Variants in MPP4 observed in about 807,000 individuals in gnomAD.
MPP4 encodes MAGUK p55 subfamily member 4.
Under a neutral mutation model 98.3 loss-of-function variants are expected in MPP4, and 91 were observed. The ratio of observed to expected loss-of-function variants is 0.93; its 90% CI spans 0.78 to 1.10. The LOEUF (loss-of-function observed/expected upper bound fraction) is 1.10. Ranked by LOEUF, MPP4 falls within the 50% of genes least tolerant of loss-of-function variation. MPP4 has a pLI of 0.00. For missense variants in MPP4, 744 were observed against 792.9 expected (o/e 0.94, Z 0.74); for synonymous variants, 261 against 271.8 (o/e 0.96, Z 0.39).
rs28524596 is a variant in MPP4 at position 201,685,259 on chromosome 2, T to A, written c.493-114A>T. On this transcript the variant is annotated intron_variant, in intron 6 of 21. Transcript: ENST00000409474. ...AATCAATGCAGCTCTGGTCTTTCAATCAATGCAGCTCTGGTCTTTCAATCA... is the reference window on the plus strand; with the variant it reads ...AATCAATGCAGCTCTGGTCTTTCAAACAATGCAGCTCTGGTCTTTCAATCA... 476 of 97,068 alleles carry A rather than the reference T, an allele frequency of 4.9e-3. 14 individuals are homozygous for A. Among genetic ancestry groups the A allele is most frequent in the Middle Eastern group, 9.8e-3 (5 of 508 alleles). 6.0% of individuals were successfully genotyped at this position (97,068 alleles called of 1,614,324 possible).
intron 16 of MPP4, among the ~76,000 whole-genome samples, chr2:201,657,959 T>A (rs1170174533): frequency 1.3e-5 from 2 of 151,220 alleles, no homozygotes; most frequent in Non-Finnish European, 2.9e-5. Flanking sequence ...CCCTTGTTTT[T>A]TTTTTTTTTG....
intron 10 of MPP4, among the ~76,000 whole-genome samples, chr2:201,679,287 G>A (rs146045259): frequency 9.2e-5 from 14 of 152,096 alleles, no homozygotes; most frequent in Middle Eastern, 3.4e-3. Flanking sequence ...ATCTGGACCC[G>A]CACCCCAGAA....
chr2:201,692,635 A>G (rs1000996280), intron 3 of MPP4, among the ~76,000 whole-genome samples: 1 of 152,008 alleles, frequency 6.6e-6, no homozygotes, highest in Non-Finnish European at 1.5e-5. Context: ...GCCCTTATAC[A>G]AGAGACCCCA....
chr2:201,647,612 TCCTTGGCCCAGCCCAACC>T (rs1377504040), intron 21 of MPP4, 61 bp downstream of exon 21: 1 of 1,503,944 alleles, frequency 6.6e-7, no homozygotes, highest in Admixed American at 1.7e-5. Context: ...AGATCAGAGA[TCCTTGGCCCAGCCCAACC>T]CAGATCTCTC....
intron 10 of MPP4, among the ~76,000 whole-genome samples, chr2:201,677,256 G>A (rs533004685): frequency 1.3e-5 from 2 of 152,148 alleles, no homozygotes; most frequent in Non-Finnish European, 2.9e-5. Flanking sequence ...ATGCTATCCT[G>A]TACATCTTCA....
At chr2:201,658,056 T>C (rs1687911324) in intron 16 of MPP4, among the ~76,000 whole-genome samples, 1 of 151,956 alleles carries the variant, frequency 6.6e-6, no homozygotes, top group Non-Finnish European at 1.5e-5. Flanking sequence ...CTGCTAGTTT[T>C]CCCCTGCCTC....
chr2:201,682,764 TTGA>T, intron 8 of MPP4, 64 bp downstream of exon 8: 2 of 1,414,552 alleles, frequency 1.4e-6, no homozygotes, highest in Non-Finnish European at 2.0e-6. Context: ...ACACGTGGGC[TTGA>T]TGGTCCCAGT....
At chr2:201,698,351 T>C (rs954424801) in intron 1 of MPP4, among the ~76,000 whole-genome samples, 1 of 152,202 alleles carries the variant, frequency 6.6e-6, no homozygotes, top group Non-Finnish European at 1.5e-5. Context: ...CAAATGCCCA[T>C]TGTACTCAAT....
At chr2:201,675,899 AG>A (rs1688494704) in intron 10 of MPP4, among the ~76,000 whole-genome samples, 2 of 152,208 alleles carry the variant, frequency 1.3e-5, no homozygotes, top group African/African-American at 4.8e-5. Context: ...TTGGAGCAAG[AG>A]AAGATTTCGA....
At chr2:201,665,031 T>C (rs1391795720) in intron 13 of MPP4, 1 of 164,710 alleles carries the variant, frequency 6.1e-6, no homozygotes, top group Admixed American at 6.7e-5. Flanking sequence ...ATGGGGGTGA[T>C]GAAGGGGGAA....
intron 10 of MPP4, among the ~76,000 whole-genome samples, chr2:201,676,511 C>T (rs1472806545): frequency 1.3e-5 from 2 of 152,148 alleles, no homozygotes; most frequent in Admixed American, 1.3e-4. Context: ...TACATGAGAC[C>T]TTACTGTAAA....
intron 10 of MPP4, chr2:201,680,610 C>A: frequency 2.1e-6 from 1 of 486,826 alleles, no homozygotes; most frequent in Non-Finnish European, 3.7e-6. Context: ...ATTTAGTTTC[C>A]CAAGACTTTT....
Position 201,647,755 on chromosome 2 carries a change from C to G in MPP4, c.1655G>C (p.Cys552Ser), listed in dbSNP as rs775629718. 1 of 1,613,834 alleles carries G rather than the reference C, an allele frequency of 6.2e-7. No homozygotes were observed. Among genetic ancestry groups the G allele is most frequent in the Admixed American group, 1.7e-5 (1 of 60,014 alleles). The change falls in exon 21 of 22, where the codon TGT becomes TCT. Residue 552 changes from cysteine (C) to serine (S), a missense_variant. Cys to Ser is a moderately radical substitution (Grantham distance 112). Transcript: ENST00000409474. ...GGCATTTTTCCGAGATTGTTTCATA[C>G]ACCTCATATTCGATGGCTTTATAAA... The part of the protein sequence containing the change: ...VIFIKPSNMR[C>S]MKQSRKNAKV...
At chr2:201,669,558 ATGACTATCACACTACTAG>A (rs1688280946) in intron 12 of MPP4, among the ~76,000 whole-genome samples, 157 bp downstream of exon 12, 1 of 352 alleles carries the variant, frequency 2.8e-3, no homozygotes, top group African/African-American at 3.8e-3. Flanking sequence ...TTATAAATCA[ATGACTATCACACTACTAG>A]GTATATAGGA....
chr2:201,681,613 G>C, intron 8 of MPP4, 46 bp from the exon 9 acceptor site: 1 of 1,448,406 alleles, frequency 6.9e-7, no homozygotes, highest in Non-Finnish European at 9.7e-7. Flanking sequence ...GGAGCTAGCA[G>C]GGTTACTGGG....
chr2:201,687,258 G>A, intron 5 of MPP4, 33 bp downstream of exon 5: 1 of 1,525,306 alleles, frequency 6.6e-7, no homozygotes, highest in Non-Finnish European at 8.9e-7. Flanking sequence ...TGTGCCAGAT[G>A]GGGACATCTT....
At chr2:201,679,339 T>G (rs1374343368) in intron 10 of MPP4, among the ~76,000 whole-genome samples, 1 of 152,192 alleles carries the variant, frequency 6.6e-6, no homozygotes, top group Admixed American at 6.5e-5. Context: ...GGGCCTTTAA[T>G]GCTGATCACA....
intron 17 of MPP4, among the ~76,000 whole-genome samples, 158 bp downstream of exon 17, chr2:201,656,040 A>G (rs757359920): frequency 5.3e-5 from 8 of 152,254 alleles, no homozygotes; most frequent in Non-Finnish European, 1.2e-4. Context: ...AATGTTACTT[A>G]TAAACACACA....
intron 21 of MPP4, chr2:201,646,589 T>C (rs149825844): frequency 2.0e-5 from 3 of 152,264 alleles, no homozygotes; most frequent in Non-Finnish European, 4.4e-5. Context: ...TAAATGCCCA[T>C]AAGACTCAGC....
Sources: allele counts gnomAD v4.1 joint callset (sites outside exome capture counted in the v4.1 genomes callset), GRCh38; gene constraint gnomAD v4.1.1; transcripts MANE v1.5; gene names NCBI Gene and HGNC (gene_info 2026-07-23, HGNC 2026-07-21).